SPON1: variants seen among roughly 807,000 people sequenced by gnomAD.
SPON1 encodes spondin 1, also known as spondin-1.
A neutral mutation model predicts 111.7 loss-of-function variants in SPON1; 52 were observed. That is an observed-to-expected ratio of 0.47 (90% CI 0.37 to 0.59). The LOEUF is 0.59. Ranked by LOEUF, SPON1 falls within the 20% of genes least tolerant of loss-of-function variation. The pLI, the probability that SPON1 is intolerant of heterozygous loss-of-function variation, is 0.00. For missense variants in SPON1, 957 were observed against 1,068.5 expected, an observed-to-expected ratio of 0.90 and a Z score of 1.46; for synonymous variants, 410 against 395.8, an observed-to-expected ratio of 1.04 and a Z score of -0.43.
At chr11:14,257,146 A>T (rs1849118040) in intron 10 of SPON1, among the ~76,000 whole-genome samples, 1 of 152,216 alleles carries the variant, frequency 6.6e-6, no homozygotes, top group South Asian at 2.1e-4. Context: ...CTCTCAGTAG[A>T]CATGTGATCT....
intron 6 of SPON1, among the ~76,000 whole-genome samples, chr11:14,216,187 A>G (rs1425910673): frequency 6.6e-6 from 1 of 152,202 alleles, no homozygotes; most frequent in Admixed American, 6.5e-5. Context: ...TCTGAACCCC[A>G]TGCTACAAAA....
rs1554940982 is a variant in SPON1 at position 14,254,651 on chromosome 11, G to A, written c.1014G>A (p.Lys338=). 1 of 1,614,078 alleles carries A rather than the reference G, an allele frequency of 6.2e-7. No homozygotes were observed. Among genetic ancestry groups the A allele is most frequent in the Admixed American group, 1.7e-5 (1 of 60,036 alleles). ...VGLSAEDLCT[K]ECGWVQKVVQ... is the part of the protein sequence containing the mutation. ...TATCTGCAGAAGATCTGTGCACCAA[G>A]GAATGTGGCTGGGTCCAGAAGGTGG... The change falls in exon 8 of 16, where the codon AAG becomes AAA. Residue 338 remains lysine, a synonymous_variant. Coordinates refer to ENST00000576479, the MANE Select transcript of SPON1 (RefSeq NM_006108.4).
At chr11:14,144,156 C>T (rs547645632) in intron 6 of SPON1, among the ~76,000 whole-genome samples, 1 of 152,190 alleles carries the variant, frequency 6.6e-6, no homozygotes, top group East Asian at 1.9e-4. Context: ...CTCATTATTA[C>T]TCTTATTATT....
At position 14,238,660 on chromosome 11, in the gene SPON1, C is replaced by G. The variant is rs149650421; in HGVS notation, c.826-4672C>G. 3.9e-3 allele frequency among the ~76,000 whole-genome samples: 592 copies of G among 152,272 alleles called. 1 individual carries two copies. The highest frequency in any genetic ancestry group is 0.01 in the Admixed American group (157 of 15,296). ...GATCTGTTTTCATTCCACATGAACC[C>G]GCTTCCCTCCAGACCTGACCTCAGC... On this transcript the variant is annotated intron_variant, in intron 6 of 15. Transcript: ENST00000576479.
At chr11:14,029,625 C>G (rs1362326994) in intron 2 of SPON1, among the ~76,000 whole-genome samples, 4 of 152,150 alleles carry the variant, frequency 2.6e-5, no homozygotes, top group African/African-American at 7.2e-5. Flanking sequence ...CAGGCTCCTC[C>G]CCACTGAACT....
At chr11:14,126,825 C>G (rs902942415) in intron 5 of SPON1, among the ~76,000 whole-genome samples, 3 of 152,136 alleles carry the variant, frequency 2.0e-5, no homozygotes, top group Non-Finnish European at 4.4e-5. Flanking sequence ...TTTTCTCTCT[C>G]CTCCTCTATT....
intron 6 of SPON1, among the ~76,000 whole-genome samples, chr11:14,163,846 C>A (rs187858937): frequency 5.3e-5 from 8 of 152,064 alleles, no homozygotes; most frequent in South Asian, 4.2e-4. Flanking sequence ...TTCCCTCCCC[C>A]GCTTTAGCAA....
rs1325965107 is a variant in SPON1 at position 13,971,616 on chromosome 11, C to T, written c.238+8474C>T. On this transcript the variant is annotated intron_variant, in intron 1 of 15. Coordinates refer to ENST00000576479, the MANE Select transcript of SPON1 (RefSeq NM_006108.4). ...TCTTATATTCTTCTTTCTTTTTTCA[C>T]TCTTTTAAAGGAAAATGATGAGACA... is the stretch of plus-strand genomic sequence containing the variant. Among the ~76,000 whole-genome samples, 3 of 152,162 alleles carry T rather than the reference C, an allele frequency of 2.0e-5. No homozygotes were observed. The East Asian group carries it at 5.8e-4, about 29-fold the overall frequency.
intron 5 of SPON1, among the ~76,000 whole-genome samples, chr11:14,117,503 C>A (rs1400739802): frequency 3.9e-5 from 6 of 152,084 alleles, no homozygotes; most frequent in African/African-American, 1.2e-4. Flanking sequence ...TGTTAGACTA[C>A]CCTTGTATTC....
At chr11:13,986,727 C>T (rs1554910426) in intron 2 of SPON1, among the ~76,000 whole-genome samples, 1 of 152,006 alleles carries the variant, frequency 6.6e-6, no homozygotes. Flanking sequence ...CCCGACCCCC[C>T]GACAGACCCT....
At chr11:14,201,586 T>A (rs1229902409) in intron 6 of SPON1, among the ~76,000 whole-genome samples, 2 of 151,864 alleles carry the variant, frequency 1.3e-5, no homozygotes, top group Non-Finnish European at 2.9e-5. Context: ...TTAGAAGAGA[T>A]GAGGTCTCAC....
At chr11:14,216,793 A>C (rs1233382409) in intron 6 of SPON1, among the ~76,000 whole-genome samples, 1 of 152,228 alleles carries the variant, frequency 6.6e-6, no homozygotes, top group Admixed American at 6.5e-5. Context: ...TTGCATTGGA[A>C]ATTAAGTTTC....
At chr11:14,083,187 G>A (rs560021560) in intron 5 of SPON1, among the ~76,000 whole-genome samples, 4 of 152,250 alleles carry the variant, frequency 2.6e-5, no homozygotes, top group Admixed American at 1.3e-4. Flanking sequence ...TGTGAAAAGA[G>A]GATCAATGTT....
intron 2 of SPON1, among the ~76,000 whole-genome samples, chr11:13,998,701 C>G (rs1446849662): frequency 6.6e-6 from 1 of 152,248 alleles, no homozygotes; most frequent in Non-Finnish European, 1.5e-5. Flanking sequence ...GCCTGGCACA[C>G]TGGCCAGGTG....
chr11:14,153,306 T>C (rs1591390636), intron 6 of SPON1, among the ~76,000 whole-genome samples: 1 of 152,134 alleles, frequency 6.6e-6, no homozygotes, highest in African/African-American at 2.4e-5. Flanking sequence ...TGGTAACTTA[T>C]AAAGAAAATA....
chr11:14,124,348 G>A (rs1847431557), intron 5 of SPON1, among the ~76,000 whole-genome samples: 1 of 152,158 alleles, frequency 6.6e-6, no homozygotes, highest in Non-Finnish European at 1.5e-5. Context: ...TTATCCTTCA[G>A]AATTTAGCTC....
In SPON1 at chr11:14,136,704, T is replaced by C. The variant is rs1444738020; in HGVS notation, c.825+1136T>C. Among the ~76,000 whole-genome samples, 3 of 152,202 alleles carry C rather than the reference T, an allele frequency of 2.0e-5. No individual in the cohort carries two copies. The East Asian group carries it at 5.8e-4, about 29-fold the overall frequency. ...AAATGCCCCAGAATGAGCTTATGTT[T>C]CTTATTAATTTGATTTGAAGTCTTT... On this transcript the variant is annotated intron_variant, in intron 6 of 15. Transcript: ENST00000576479.
intron 2 of SPON1, among the ~76,000 whole-genome samples, chr11:14,018,064 A>G (rs1340108826): frequency 6.6e-6 from 1 of 152,216 alleles, no homozygotes; most frequent in Non-Finnish European, 1.5e-5. Flanking sequence ...CTACTGAACA[A>G]TTCTTTAGCT....
intron 6 of SPON1, among the ~76,000 whole-genome samples, chr11:14,187,920 T>C (rs1554934216): frequency 6.6e-6 from 1 of 152,200 alleles, no homozygotes; most frequent in East Asian, 1.9e-4. Flanking sequence ...TAGCTGGGAT[T>C]ACAGGCATGT....
Sources: allele counts gnomAD v4.1 joint callset (sites outside exome capture counted in the v4.1 genomes callset), GRCh38; gene constraint gnomAD v4.1.1; transcripts MANE v1.5; gene names NCBI Gene and HGNC (gene_info 2026-07-23, HGNC 2026-07-21).